The following DPP6 variants were observed in gnomAD, a reference collection of about 807,000 sequenced individuals.
The protein encoded by DPP6 is dipeptidyl peptidase like 6, also known as A-type potassium channel modulatory protein DPP6.
Under a neutral mutation model 122.6 loss-of-function variants are expected in DPP6, and 69 were observed. The observed-to-expected ratio is 0.56, with a 90% CI of 0.46 to 0.69. The LOEUF (loss-of-function observed/expected upper bound fraction) is 0.69, where lower values mean the gene tolerates loss of function less well. Among genes scored for constraint, DPP6 ranks in the 30% least tolerant of loss-of-function variants. The probability of loss-of-function intolerance (pLI) is 0.00; values close to 1 mark genes in which losing one functional copy is unlikely to be tolerated. For synonymous variants in DPP6, 418 were observed against 433.1 expected, an observed-to-expected ratio of 0.97 and a Z score of 0.43; for missense variants, 928 against 1,116.9, an observed-to-expected ratio of 0.83 and a Z score of 2.41.
chr7:154,293,439 G>A (rs776405780), intron 1 of DPP6, among the ~76,000 whole-genome samples: 4 of 152,146 alleles, frequency 2.6e-5, no homozygotes, highest in Non-Finnish European at 2.9e-5. Context: ...AAGTGGAGCT[G>A]TGTGGGCTGA....
chr7:154,686,787 A>AT (rs918154573), intron 7 of DPP6, among the ~76,000 whole-genome samples: 7 of 151,888 alleles, frequency 4.6e-5, no homozygotes, highest in African/African-American at 1.2e-4. Context: ...ACGCTTCATT[A>AT]TTTTTTTTAT....
chr7:153,774,107 G>A, the DPP6 span, among the ~76,000 whole-genome samples: 21 of 152,138 alleles, frequency 1.4e-4, no homozygotes, highest in Non-Finnish European at 2.4e-4. Flanking sequence ...TACCAATTAT[G>A]TTGACTGAAA....
chr7:153,900,528 A>C (rs1490296025), intron 1 of DPP6, among the ~76,000 whole-genome samples: 1 of 152,162 alleles, frequency 6.6e-6, no homozygotes, highest in Non-Finnish European at 1.5e-5. Context: ...ATGGCCATAG[A>C]GGGAACAAGA....
chr7:154,167,580 A>C (rs4389846), intron 1 of DPP6, among the ~76,000 whole-genome samples: 126,960 of 152,188 alleles, frequency 0.83, 53,242 homozygotes, highest in East Asian at 1. Flanking sequence ...CAGCTCTCTT[A>C]CTTGGTTGGG....
chr7:153,820,287 G>A, the DPP6 span, among the ~76,000 whole-genome samples: 1 of 152,188 alleles, frequency 6.6e-6, no homozygotes, highest in Non-Finnish European at 1.5e-5. Flanking sequence ...GAGATGCTGT[G>A]TAAAATTGAT....
At chr7:154,249,200 T>C (rs1014692379) in intron 1 of DPP6, among the ~76,000 whole-genome samples, 2 of 152,206 alleles carry the variant, frequency 1.3e-5, no homozygotes, top group African/African-American at 4.8e-5. Context: ...AAAGGGTAAA[T>C]AGCTTAGTCA....
intron 1 of DPP6, among the ~76,000 whole-genome samples, chr7:154,022,181 G>A (rs1585189209): frequency 6.6e-6 from 1 of 152,240 alleles, no homozygotes; most frequent in East Asian, 1.9e-4. Context: ...CTACAAAGAT[G>A]CTAATTTCAT....
At chr7:154,136,883 G>A (rs1225882856) in intron 1 of DPP6, among the ~76,000 whole-genome samples, 5 of 152,250 alleles carry the variant, frequency 3.3e-5, no homozygotes, top group Non-Finnish European at 7.3e-5. Context: ...GCTGGTGAGT[G>A]TGGTCCATAA....
chr7:153,952,243 C>G lies in DPP6; in HGVS notation c.51+64509C>G, dbSNP rs937173497. On this transcript the variant is annotated intron_variant, in intron 1 of 25. Coordinates refer to the DPP6 transcript ENST00000404039. ...TGCTCAATTAATGTGATATCAAAAG[C>G]AATTTTCTACCATTTGTGTTATTTC... is the stretch of plus-strand genomic sequence containing the variant. Among the ~76,000 whole-genome samples, 6 of 152,166 alleles carry G rather than the reference C, an allele frequency of 3.9e-5. No homozygotes were observed. In the East Asian group the frequency reaches 1.2e-3, roughly 29 times the overall value.
At chr7:154,369,968 T>G (rs1463598094) in intron 1 of DPP6, among the ~76,000 whole-genome samples, 1 of 116,896 alleles carries the variant, frequency 8.6e-6, no homozygotes, top group African/African-American at 4.0e-5. Flanking sequence ...ATATATGCAT[T>G]TATTTATTTA....
Position 154,853,057 on chromosome 7 carries a change from A to T in DPP6, c.1667-723A>T, listed in dbSNP as rs548312201. ...TGGCTAAAGTAAGGTTGGAAAAGTC[A>T]CCAGGCCTGCCTCTTAATGTTTTCA... On this transcript the variant is annotated intron_variant, in intron 16 of 25. Transcript: ENST00000377770. 1.1e-4 allele frequency among the ~76,000 whole-genome samples: 16 copies of T among 152,350 alleles called. 1 individual carries two copies. The South Asian group carries it at 3.3e-3, about 32-fold the overall frequency.
chr7:154,726,478 T>C (rs1049810719), intron 7 of DPP6, among the ~76,000 whole-genome samples: 12 of 152,170 alleles, frequency 7.9e-5, no homozygotes, highest in African/African-American at 2.9e-4. Flanking sequence ...AGCTGTACCT[T>C]GGCCTCTTTT....
chr7:154,158,378 T>C (rs1796802200), intron 1 of DPP6, among the ~76,000 whole-genome samples: 1 of 151,846 alleles, frequency 6.6e-6, no homozygotes, highest in South Asian at 2.1e-4. Flanking sequence ...GGGGGTTTCC[T>C]AACCTTTATT....
chr7:154,031,059 C>A (rs3852279), intron 1 of DPP6, among the ~76,000 whole-genome samples: 44,075 of 151,454 alleles, frequency 0.29, 6,543 homozygotes, highest in African/African-American at 0.35. Flanking sequence ...GTTGTCTTAT[C>A]CTCCCTGGCT....
intron 1 of DPP6, among the ~76,000 whole-genome samples, chr7:153,988,073 C>G (rs576463455): frequency 1.3e-5 from 2 of 152,188 alleles, no homozygotes; most frequent in Non-Finnish European, 2.9e-5. Context: ...TCTAATTACC[C>G]TTTGTCCCTG....
Position 154,486,145 on chromosome 7 carries a change from T to C in DPP6, c.457+11108T>C, listed in dbSNP as rs1563746425. On this transcript the variant is annotated intron_variant, in intron 3 of 25. Transcript: ENST00000377770. The surrounding 1 kb of genome is among the most constrained non-coding windows in gnomAD (Gnocchi z 4.5). ...CCTACTCATGGCCTCTATTTTGTTT[T>C]TTTTTTGAGATGGAGTCTCACTCTA... 6.6e-6 allele frequency among the ~76,000 whole-genome samples: 1 copy of C among 151,930 alleles called. No homozygotes were observed. The highest frequency in any genetic ancestry group is 1.5e-5 in the Non-Finnish European group (1 of 67,984).
At chr7:154,690,436 A>C (rs1839869071) in intron 7 of DPP6, among the ~76,000 whole-genome samples, 1 of 152,130 alleles carries the variant, frequency 6.6e-6, no homozygotes, top group Non-Finnish European at 1.5e-5. Flanking sequence ...CTTTGTAGAA[A>C]GCAGAACTTC....
intron 1 of DPP6, among the ~76,000 whole-genome samples, chr7:154,028,201 T>C (rs1428680654): frequency 6.6e-6 from 1 of 152,038 alleles, no homozygotes; most frequent in Non-Finnish European, 1.5e-5. Flanking sequence ...GTTAAACTCA[T>C]CCTCTCTGAT....
chr7:153,841,929 T>C, the DPP6 span, among the ~76,000 whole-genome samples: 1 of 152,250 alleles, frequency 6.6e-6, no homozygotes, highest in African/African-American at 2.4e-5. Flanking sequence ...TGTGTCATTC[T>C]TCGTTTCTAA....
Sources: gnomAD v4.1 joint callset for allele counts (sites outside exome capture counted in the v4.1 genomes callset) on GRCh38, gnomAD v4.1.1 for gene constraint, Gnocchi (gnomAD v3.1) non-coding constraint, MANE v1.5 for transcripts, NCBI Gene and HGNC (gene_info 2026-07-23, HGNC 2026-07-21) for gene names.